Variants in FBXO42 observed in about 807,000 individuals in gnomAD.
FBXO42 encodes the protein F-box protein 42, also known as F-box only protein 42.
In FBXO42, 12 loss-of-function variants were observed where a neutral mutation model predicts 71.7. That is an observed-to-expected ratio of 0.17 (90% CI 0.11 to 0.27). The LOEUF (loss-of-function observed/expected upper bound fraction) is 0.27, where lower values mean the gene tolerates loss of function less well. Ranked by LOEUF, FBXO42 falls within the 10% of genes least tolerant of loss-of-function variation. The pLI, the probability that FBXO42 is intolerant of heterozygous loss-of-function variation, is 1.00. For synonymous variants in FBXO42, 325 were observed against 327.5 expected, an observed-to-expected ratio of 0.99 and a Z score of 0.08; for missense variants, 707 against 911.9, an observed-to-expected ratio of 0.78 and a Z score of 2.89.
At chr1:16,299,707 C>T (rs191542653) in intron 3 of FBXO42, among the ~76,000 whole-genome samples, 256 of 152,174 alleles carry the variant, frequency 1.7e-3, no homozygotes, top group African/African-American at 5.8e-3. Context: ...TGCAGTGGCA[C>T]GATCTCGGCT....
chr1:16,301,627 C>A (rs1006669339), intron 3 of FBXO42, among the ~76,000 whole-genome samples: 1 of 149,270 alleles, frequency 6.7e-6, no homozygotes, highest in Non-Finnish European at 1.5e-5. Flanking sequence ...CGCGCCACTG[C>A]ACTCCAGCCT....
At chr1:16,338,151 C>T (rs1424144890) in intron 1 of FBXO42, among the ~76,000 whole-genome samples, 2 of 151,088 alleles carry the variant, frequency 1.3e-5, no homozygotes, top group Admixed American at 6.6e-5. Flanking sequence ...CCCAGCTACT[C>T]GGGAGGCTGA....
intron 4 of FBXO42, among the ~76,000 whole-genome samples, chr1:16,281,057 G>A (rs927969070): frequency 1.3e-5 from 2 of 152,156 alleles, no homozygotes; most frequent in African/African-American, 4.8e-5. Flanking sequence ...CTGCCTCCCA[G>A]ATTCAAGCAA....
intron 3 of FBXO42, among the ~76,000 whole-genome samples, chr1:16,299,714 G>A (rs982226306): frequency 6.6e-6 from 1 of 151,946 alleles, no homozygotes; most frequent in Admixed American, 6.6e-5. Flanking sequence ...GCACGATCTC[G>A]GCTCACTGCA....
intron 2 of FBXO42, among the ~76,000 whole-genome samples, chr1:16,306,350 T>C (rs1343352084): frequency 1.3e-5 from 2 of 152,186 alleles, no homozygotes; most frequent in Admixed American, 1.3e-4. Flanking sequence ...ATTCCAAATT[T>C]ATCTGATTTT....
chr1:16,324,731 G>A lies in FBXO42; in HGVS notation c.-17-9296C>T, dbSNP rs147265452. Among the ~76,000 whole-genome samples the A allele has an allele frequency of 2.1e-3, 313 of 152,298 alleles. 1 individual carries two copies. The highest frequency in any genetic ancestry group is 6.9e-3 in the African/African-American group (287 of 41,574). ...ACAGGGGGTCTGAGGTGCGAGCATC[G>A]CTTGAGCCCAGGAGTTAGATGCTGC... On this transcript the variant is annotated intron_variant, in intron 1 of 9. Transcript: ENST00000375592.
rs1251179787 is a variant in FBXO42 at position 16,345,786 on chromosome 1, T to C, written c.-18+6469A>G. On this transcript the variant is annotated intron_variant, in intron 1 of 9. Coordinates refer to ENST00000375592, the MANE Select transcript of FBXO42 (RefSeq NM_018994.3). Reference sequence around the variant, plus strand: ...TGGCATGAACCGGGGAGGCAGAGCTTGCAGTGAGCCGAGATCAAGCCACTG... The same window carrying C: ...TGGCATGAACCGGGGAGGCAGAGCTCGCAGTGAGCCGAGATCAAGCCACTG... Among the ~76,000 whole-genome samples, 3 of 149,106 alleles carry C rather than the reference T, an allele frequency of 2.0e-5. No homozygotes were observed. The South Asian group carries it at 6.3e-4, about 31-fold the overall frequency.
intron 1 of FBXO42, among the ~76,000 whole-genome samples, chr1:16,350,573 C>CAAAA (rs60358251): frequency 2.2e-4 from 15 of 66,780 alleles, no homozygotes; most frequent in East Asian, 4.2e-4. Flanking sequence ...ACTAAAATTA[C>CAAAA]AAAAAAAAAA....
chr1:16,273,703 A>C (rs1039867329), intron 4 of FBXO42, among the ~76,000 whole-genome samples: 1 of 151,924 alleles, frequency 6.6e-6, no homozygotes, highest in Non-Finnish European at 1.5e-5. Context: ...AACATGATGA[A>C]ACCCTGTCTC....
chr1:16,273,736 G>A (rs7517668), intron 4 of FBXO42, among the ~76,000 whole-genome samples: 2,533 of 152,066 alleles, frequency 0.017, 75 homozygotes, highest in African/African-American at 0.056. Context: ...AAAATTAACC[G>A]GGTGTGGTGA....
intron 1 of FBXO42, among the ~76,000 whole-genome samples, chr1:16,329,662 A>T (rs1031499475): frequency 2.0e-5 from 3 of 152,090 alleles, no homozygotes; most frequent in Admixed American, 2.0e-4. Context: ...TTAAGAAAAA[A>T]AAAAAGGCTG....
In FBXO42 at chr1:16,305,836, G is replaced by A. The variant is rs1410997209; in HGVS notation, c.334C>T (p.Pro112Ser). Residue 112 changes from proline (P) to serine (S), a missense_variant, in exon 3 of 10, where the codon CCT (proline) becomes TCT (serine). Coordinates refer to ENST00000375592, the MANE Select transcript of FBXO42 (RefSeq NM_018994.3). ...IQWESRTYPY[P>S]GTPITQRFSH... is the part of the protein sequence containing the mutation. ...AAGCGCTGAGTGATTGGGGTTCCAG[G>A]ATAAGGATAGGTACGGCTCTCCCAC... 22 of 1,614,112 alleles carry A rather than the reference G, an allele frequency of 1.4e-5. No individual in the cohort carries two copies. Among genetic ancestry groups the A allele is most frequent in the Non-Finnish European group, 1.9e-5 (22 of 1,179,982 alleles).
chr1:16,278,702 T>C (rs2081930358), intron 4 of FBXO42, among the ~76,000 whole-genome samples: 1 of 152,228 alleles, frequency 6.6e-6, no homozygotes, highest in Admixed American at 6.5e-5. Flanking sequence ...TGTAACCTTT[T>C]TAAGGTATCA....
At chr1:16,288,955 C>G (rs1347082460) in intron 4 of FBXO42, among the ~76,000 whole-genome samples, 1 of 143,986 alleles carries the variant, frequency 6.9e-6, no homozygotes, top group Admixed American at 7.0e-5. Context: ...GAGACTATGT[C>G]TCAAAAAAAA....
At chr1:16,337,172 T>C (rs891866544) in intron 1 of FBXO42, among the ~76,000 whole-genome samples, 8 of 152,264 alleles carry the variant, frequency 5.3e-5, no homozygotes, top group Admixed American at 3.9e-4. Context: ...CCAATGCTTC[T>C]CAAATTTTAA....
chr1:16,339,602 C>T (rs867789462), intron 1 of FBXO42, among the ~76,000 whole-genome samples: 4 of 152,208 alleles, frequency 2.6e-5, no homozygotes, highest in Middle Eastern at 3.2e-3. Flanking sequence ...TGAGCCACCA[C>T]ACCCAGCCAT....
intron 3 of FBXO42, among the ~76,000 whole-genome samples, chr1:16,303,027 C>T (rs1215107163): frequency 6.6e-6 from 1 of 151,940 alleles, no homozygotes; most frequent in African/African-American, 2.4e-5. Context: ...CGAGACCAGT[C>T]TGGACAACAT....
At chr1:16,316,460 G>A (rs2082367081) in intron 1 of FBXO42, among the ~76,000 whole-genome samples, 1 of 151,908 alleles carries the variant, frequency 6.6e-6, no homozygotes, top group Non-Finnish European at 1.5e-5. Context: ...TCTTGGTTGG[G>A]TGCAGTGGCT....
At chr1:16,312,272 A>G (rs771360783) in intron 2 of FBXO42, among the ~76,000 whole-genome samples, 16 of 152,102 alleles carry the variant, frequency 1.1e-4, no homozygotes, top group Admixed American at 3.9e-4. Flanking sequence ...TGAGGAGGGA[A>G]GATGACTTGA....
Sources: gnomAD v4.1 joint callset for allele counts (sites outside exome capture counted in the v4.1 genomes callset) on GRCh38, gnomAD v4.1.1 for gene constraint, MANE v1.5 for transcripts, NCBI Gene and HGNC (gene_info 2026-07-23, HGNC 2026-07-21) for gene names.